ASPH: variants seen among roughly 807,000 people sequenced by gnomAD.
The protein encoded by ASPH is aspartyl/asparaginyl beta-hydroxylase.
ASPH carries 100 observed loss-of-function variants against 118.4 expected under a neutral mutation model. That is an observed-to-expected ratio of 0.84 (90% CI 0.72 to 1.00). The LOEUF (loss-of-function observed/expected upper bound fraction) is 1.00. Among genes scored for constraint, ASPH ranks in the 50% least tolerant of loss-of-function variants. The pLI, the probability that ASPH is intolerant of heterozygous loss-of-function variation, is 0.00. For missense variants in ASPH, 920 were observed against 919.5 expected (o/e 1.00, Z -0.01); for synonymous variants, 315 against 325.6 (o/e 0.97, Z 0.35).
intron 24 of ASPH, among the ~76,000 whole-genome samples, chr8:61,510,184 C>T (rs1808274035): frequency 6.6e-6 from 1 of 152,156 alleles, no homozygotes; most frequent in African/African-American, 2.4e-5. Context: ...TACTTTAATA[C>T]TCAAAACCAT....
intron 13 of ASPH, chr8:61,624,807 A>C: frequency 1.0e-6 from 1 of 985,682 alleles, no homozygotes; most frequent in Non-Finnish European, 1.2e-6. Context: ...TGGCTTTATA[A>C]AAAGTAGCTT....
intron 21 of ASPH, among the ~76,000 whole-genome samples, chr8:61,539,384 G>A (rs931316797): frequency 6.6e-6 from 1 of 152,128 alleles, no homozygotes; most frequent in Non-Finnish European, 1.5e-5. Flanking sequence ...GCAAATTTTA[G>A]AGCAGGAGTG....
chr8:61,633,820 A>C, intron 12 of ASPH, 93 bp from the exon 13 acceptor site: 1 of 856,540 alleles, frequency 1.2e-6, no homozygotes, highest in Non-Finnish European at 1.8e-6. Flanking sequence ...GATACTTTTC[A>C]TAGATTTTTT....
At chr8:61,565,844 C>G (rs1032638160) in intron 17 of ASPH, among the ~76,000 whole-genome samples, 2 of 152,144 alleles carry the variant, frequency 1.3e-5, no homozygotes, top group African/African-American at 4.8e-5. Context: ...AAGTTGAAGC[C>G]AGTGCTCACT....
At chr8:61,588,861 G>C (rs1840264913) in intron 14 of ASPH, among the ~76,000 whole-genome samples, 1 of 152,198 alleles carries the variant, frequency 6.6e-6, no homozygotes, top group African/African-American at 2.4e-5. Context: ...CCCCAACGTA[G>C]AGAAAACCCG....
chr8:61,679,956 AAAC>A (rs1452939955), intron 3 of ASPH, among the ~76,000 whole-genome samples: 3 of 135,394 alleles, frequency 2.2e-5, no homozygotes, highest in East Asian at 2.1e-4. Context: ...AAAAAAAAAA[AAAC>A]AAAAAACACC....
intron 7 of ASPH, 124 bp from the exon 8 acceptor site, chr8:61,644,125 A>G: frequency 1.3e-6 from 1 of 766,886 alleles, no homozygotes; most frequent in South Asian, 1.7e-5. Context: ...ATGATATTCA[A>G]ACATGTTCAC....
chr8:61,714,269 C>A lies in ASPH; in HGVS notation c.103G>T (p.Glu35Ter). 1 of 1,512,148 alleles carries A rather than the reference C, an allele frequency of 6.6e-7. No individual in the cohort carries two copies. Among genetic ancestry groups the A allele is most frequent in the Non-Finnish European group, 8.8e-7 (1 of 1,133,478 alleles). The allele number at this position is 1,512,148 out of a possible 1,614,324, so 93.7% of individuals were successfully genotyped here. A position where few individuals can be genotyped will look rare whatever the true frequency, so the allele number is the denominator to read the frequency against. Reference protein sequence around the residue: ...AGSSSPGARRETKHGGHKNGR... With the variant: ...AGSSSPGARR ...ATCCCCGCCCCGCAGGGCCTCTGAC[C>A]TCTCCGGGCCCCGGGGCTGCTGCTG... The change falls in exon 1 of 25, where the codon GAG becomes TAG. Residue 35 changes from glutamate (E) to a stop codon, truncating the protein, a stop_gained and splice_region_variant. Coordinates refer to ENST00000379454, the MANE Select transcript of ASPH (RefSeq NM_004318.4). LOFTEE classifies it high-confidence loss of function.
In ASPH at chr8:61,548,223, A is replaced by G. The variant is rs1366107597; in HGVS notation, c.1627-15T>C. On this transcript the variant is annotated splice_polypyrimidine_tract_variant and intron_variant, in intron 20 of 24. Transcript: ENST00000379454. ...CACTTATATGCCTGAAGGAACAGAA[A>G]GAATGTGCTCCAAACTGTTCCTTCA... 1.2e-6 allele frequency: 2 copies of G among 1,610,492 alleles called. No homozygotes were observed. The highest frequency in any genetic ancestry group is 8.5e-7 in the Non-Finnish European group (1 of 1,178,310).
intron 21 of ASPH, among the ~76,000 whole-genome samples, chr8:61,538,778 A>T (rs1426450625): frequency 6.6e-6 from 1 of 152,240 alleles, no homozygotes; most frequent in African/African-American, 2.4e-5. Flanking sequence ...TACAATATGA[A>T]GAAAGGCAAA....
chr8:61,714,284 G>GGCTGCTGCTGCCCGCACTCGT lies in ASPH; in HGVS notation c.67_87dup (p.Thr23_Ser29dup), dbSNP rs1554600485. The GGCTGCTGCTGCCCGCACTCGT allele has an allele frequency of 1.1e-5, 17 of 1,519,400 alleles. No individual in the cohort carries two copies. Among genetic ancestry groups the GGCTGCTGCTGCCCGCACTCGT allele is most frequent in the Non-Finnish European group, 1.5e-5 (17 of 1,135,764 alleles). 94.1% of individuals were successfully genotyped at this position (1,519,400 alleles called of 1,614,324 possible). A position where few individuals can be genotyped will look rare whatever the true frequency, so the allele number is the denominator to read the frequency against. ...GGCCTCTGACCTCTCCGGGCCCCGGGGCTGCTGCTGCCCGCACTCGTGCTA... is the reference window on the plus strand; with the variant it reads ...GGCCTCTGACCTCTCCGGGCCCCGGGGCTGCTGCTGCCCGCACTCGTGCTGCTGCTGCCCGCACTCGTGCTA... On this transcript the variant is annotated inframe_insertion, in exon 1 of 25. Coordinates refer to ENST00000379454, the MANE Select transcript of ASPH (RefSeq NM_004318.4).
At chr8:61,689,899 G>T (rs1832123521) in intron 1 of ASPH, 1 of 1,272,564 alleles carries the variant, frequency 7.9e-7, no homozygotes, top group Non-Finnish European at 1.0e-6. Flanking sequence ...GAGGCTAAAT[G>T]CTGCTAATCA....
chr8:61,608,924 A>C lies in ASPH; in HGVS notation c.976+10054T>G, dbSNP rs549741343. Among the ~76,000 whole-genome samples the C allele has an allele frequency of 2.6e-5, 4 of 152,304 alleles. No homozygotes were observed. The South Asian group carries it at 8.3e-4, about 32-fold the overall frequency. On this transcript the variant is annotated intron_variant, in intron 14 of 24. Transcript: ENST00000379454. ...TGACACAGAGCTGGGTTAGACGAGC[A>C]GGCAGGTAGGGGTGGGAAATGCTAC...
chr8:61,528,566 G>A (rs1364976022), intron 21 of ASPH, among the ~76,000 whole-genome samples: 4 of 151,040 alleles, frequency 2.6e-5, no homozygotes, highest in Admixed American at 2.0e-4. Flanking sequence ...TTTCTTTAAA[G>A]CTGATTTAGG....
In ASPH at chr8:61,714,572, C is replaced by T. The variant is rs551953321; in HGVS notation, c.-201G>A. On this transcript the variant is annotated 5_prime_UTR_variant, in exon 1 of 25. Transcript: ENST00000379454. ...CCTGCCGGCTGCGCGCGCCCGGCCT[C>T]GCGTGTACGAACCTGTGACTCCCTC... is the stretch of plus-strand genomic sequence containing the variant. The T allele has an allele frequency of 6.6e-6, 5 of 760,846 alleles. No individual in the cohort carries two copies. The African/African-American group carries it at 7.4e-5, about 11-fold the overall frequency. 47.1% of individuals were successfully genotyped at this position (760,846 alleles called of 1,614,324 possible).
At chr8:61,643,533 G>A in intron 8 of ASPH, 100 bp from the exon 9 acceptor site, 1 of 1,184,708 alleles carries the variant, frequency 8.4e-7, no homozygotes, top group Non-Finnish European at 1.2e-6. Flanking sequence ...TCACAACTTT[G>A]CCAGATAGAT....
Position 61,637,957 on chromosome 8 carries a change from T to C in ASPH, c.879A>G (p.Val293=). 1.9e-6 allele frequency: 3 copies of C among 1,608,886 alleles called. No homozygotes were observed. Among genetic ancestry groups the C allele is most frequent in the South Asian group, 1.1e-5 (1 of 89,854 alleles). ...PEDNPVEDSQ[V]IVEEVSIFPV... ...ATAAATTTATCTTACCTTCTACAATTACCTGTGAATCTTCTACAGGATTAT... is the reference window on the plus strand; with the variant it reads ...ATAAATTTATCTTACCTTCTACAATCACCTGTGAATCTTCTACAGGATTAT... Residue 293 remains valine (V), a synonymous_variant, in exon 12 of 25, where the codon GTA becomes GTG. Coordinates refer to ENST00000379454, the MANE Select transcript of ASPH (RefSeq NM_004318.4).
chr8:61,666,634 C>T (rs1819755728), intron 3 of ASPH, among the ~76,000 whole-genome samples: 1 of 152,116 alleles, frequency 6.6e-6, no homozygotes. Flanking sequence ...CTATGTCTTT[C>T]TAGGCTGTCT....
intron 1 of ASPH, among the ~76,000 whole-genome samples, chr8:61,707,833 T>C (rs1286396336): frequency 6.6e-6 from 1 of 152,218 alleles, no homozygotes; most frequent in East Asian, 1.9e-4. Flanking sequence ...AAACTTTTAA[T>C]ACGTGCTATA....
Sources: gnomAD v4.1 joint callset for allele counts (sites outside exome capture counted in the v4.1 genomes callset) on GRCh38, gnomAD v4.1.1 for gene constraint, MANE v1.5 for transcripts, NCBI Gene and HGNC (gene_info 2026-07-23, HGNC 2026-07-21) for gene names.